DNAH8: variants seen among roughly 807,000 people sequenced by gnomAD.
DNAH8 encodes axonemal beta dynein heavy chain 8.
DNAH8 carries 382 observed loss-of-function variants against 562.1 expected under a neutral mutation model. The observed-to-expected ratio is 0.68, with a 90% CI of 0.63 to 0.74. DNAH8 has a LOEUF of 0.74. Ranked by LOEUF, DNAH8 falls within the 30% of genes least tolerant of loss-of-function variation. The pLI is 0.00. For missense variants in DNAH8, 5,203 were observed against 5,620.4 expected (o/e 0.93, Z 2.37); for synonymous variants, 1,881 against 1,919.4 (o/e 0.98, Z 0.52).
intron 3 of DNAH8, 130 bp downstream of exon 3, chr6:38,723,601 A>G: frequency 8.4e-7 from 1 of 1,197,498 alleles, no homozygotes; most frequent in South Asian, 1.5e-5. Context: ...GGGGCAGGGC[A>G]CAGTGGCTCA....
chr6:38,801,243 G>A (rs1770752732), intron 21 of DNAH8, among the ~76,000 whole-genome samples: 1 of 152,072 alleles, frequency 6.6e-6, no homozygotes, highest in Admixed American at 6.5e-5. Context: ...GTAAGGAGAA[G>A]GTTCCGTTTC....
At chr6:38,987,978 A>T (rs567886313) in intron 87 of DNAH8, among the ~76,000 whole-genome samples, 2 of 152,190 alleles carry the variant, frequency 1.3e-5, no homozygotes, top group South Asian at 4.1e-4. Flanking sequence ...GTTTGATCTC[A>T]TCCTCAGCCC....
intron 48 of DNAH8, among the ~76,000 whole-genome samples, 169 bp downstream of exon 48, chr6:38,868,365 C>T (rs1247948740): frequency 8.5e-5 from 13 of 152,198 alleles, no homozygotes; most frequent in African/African-American, 3.1e-4. Context: ...GACCCCATGA[C>T]CTGTGTGACC....
At chr6:38,803,046 C>T in intron 21 of DNAH8, 133 bp from the exon 22 acceptor site, 1 of 606,026 alleles carries the variant, frequency 1.7e-6, no homozygotes, top group Non-Finnish European at 2.7e-6. Flanking sequence ...AGCATTATGC[C>T]ATTTTCAGCT....
At chr6:38,825,087 T>G (rs532828188) in intron 28 of DNAH8, among the ~76,000 whole-genome samples, 50 of 152,168 alleles carry the variant, frequency 3.3e-4, no homozygotes, top group African/African-American at 1.1e-3. Context: ...GAGAGTGGCA[T>G]CTAAAAATGG....
intron 17 of DNAH8, among the ~76,000 whole-genome samples, chr6:38,786,178 A>G (rs1180998645): frequency 6.6e-6 from 1 of 152,230 alleles, no homozygotes. Flanking sequence ...TAGATATCTG[A>G]AAATGCTTGT....
At chr6:38,894,271 T>C (rs1779531499) in intron 58 of DNAH8, among the ~76,000 whole-genome samples, 1 of 152,210 alleles carries the variant, frequency 6.6e-6, no homozygotes, top group South Asian at 2.1e-4. Context: ...ATTATTAACT[T>C]TAAAGGTGAA....
chr6:38,994,654 T>C (rs918966904), intron 88 of DNAH8, among the ~76,000 whole-genome samples: 2 of 149,736 alleles, frequency 1.3e-5, no homozygotes, highest in African/African-American at 2.5e-5. Context: ...TTTTTCTTTT[T>C]TTTTTTTTTT....
chr6:38,790,923 A>C (rs930360622), intron 20 of DNAH8, among the ~76,000 whole-genome samples: 1 of 152,156 alleles, frequency 6.6e-6, no homozygotes, highest in African/African-American at 2.4e-5. Flanking sequence ...CCTTGCATTT[A>C]ATATGTTGAA....
At chr6:38,715,960 A>ATATATATAT (rs1372342002) in intron 1 of DNAH8, among the ~76,000 whole-genome samples, 10 of 23,626 alleles carry the variant, frequency 4.2e-4, no homozygotes, top group Non-Finnish European at 6.2e-4. Context: ...ATATATATAT[A>ATATATATAT]TTTTTTTTTT....
At chr6:38,753,468 G>T (rs79941094) in intron 9 of DNAH8, among the ~76,000 whole-genome samples, 1 of 152,124 alleles carries the variant, frequency 6.6e-6, no homozygotes, top group African/African-American at 2.4e-5. Context: ...CAGGGCTACC[G>T]CAAGTAGCTC....
chr6:38,758,482 A>C (rs922716825), intron 10 of DNAH8, among the ~76,000 whole-genome samples: 13 of 151,966 alleles, frequency 8.6e-5, no homozygotes, highest in Non-Finnish European at 1.6e-4. Context: ...AAACAGGGAC[A>C]ATTTGACTTC....
chr6:38,823,111 G>A, intron 27 of DNAH8, 77 bp downstream of exon 27: 1 of 1,332,956 alleles, frequency 7.5e-7, no homozygotes, highest in Non-Finnish European at 1.0e-6. Flanking sequence ...GAAAATATCA[G>A]GGATAATGAC....
intron 8 of DNAH8, among the ~76,000 whole-genome samples, chr6:38,743,007 CTTTTTTT>C (rs11340457): frequency 3.8e-5 from 2 of 51,976 alleles, no homozygotes; most frequent in Non-Finnish European, 6.0e-5. Context: ...TGTTGTTGTG[CTTTTTTT>C]TTTTTTTTTT....
intron 11 of DNAH8, chr6:38,764,386 T>C (rs1766802827): frequency 6.5e-6 from 1 of 153,126 alleles, no homozygotes; most frequent in Admixed American, 6.5e-5. Context: ...ACCAATTATA[T>C]GAACACACAT....
At chr6:38,735,380 G>T (rs1314672528) in intron 5 of DNAH8, among the ~76,000 whole-genome samples, 2 of 152,138 alleles carry the variant, frequency 1.3e-5, no homozygotes, top group Non-Finnish European at 2.9e-5. Context: ...GTTTAGCTTG[G>T]TTTAAGATTT....
chr6:39,005,359 G>A (rs1254131946), intron 88 of DNAH8, among the ~76,000 whole-genome samples: 1 of 152,152 alleles, frequency 6.6e-6, no homozygotes, highest in East Asian at 1.9e-4. Flanking sequence ...GTTGCAGCGA[G>A]CACCACTGTA....
At chr6:38,860,386 A>T (rs531429355) in intron 42 of DNAH8, 71 bp from the exon 43 acceptor site, 4 of 870,742 alleles carry the variant, frequency 4.6e-6, no homozygotes, top group Non-Finnish European at 3.2e-6. Flanking sequence ...AATTTTAAAA[A>T]CTGCCCACAT....
At chr6:38,870,633 A>T in intron 49 of DNAH8, 71 bp downstream of exon 49, 1 of 1,421,928 alleles carries the variant, frequency 7.0e-7, no homozygotes, top group Non-Finnish European at 9.6e-7. Flanking sequence ...GAATAGAAAA[A>T]CTCATAGTTA....
Sources: gnomAD v4.1 joint callset for allele counts (sites outside exome capture counted in the v4.1 genomes callset) on GRCh38, gnomAD v4.1.1 for gene constraint, MANE v1.5 for transcripts, NCBI Gene and HGNC (gene_info 2026-07-23, HGNC 2026-07-21) for gene names.